Variants in TRIM11 observed in about 807,000 individuals in gnomAD.
The protein encoded by TRIM11 is tripartite motif containing 11.
In TRIM11, 15 loss-of-function variants were observed where a neutral mutation model predicts 33.4. The observed-to-expected ratio is 0.45, with a 90% CI of 0.30 to 0.69. The LOEUF (loss-of-function observed/expected upper bound fraction) is 0.69, where lower values mean the gene tolerates loss of function less well. Ranked by LOEUF, TRIM11 falls within the 30% of genes least tolerant of loss-of-function variation. The pLI is 0.08. For missense variants in TRIM11, 499 were observed against 667.6 expected (o/e 0.75, Z 2.78); for synonymous variants, 281 against 302.6 (o/e 0.93, Z 0.74).
rs989032085 is a variant in TRIM11, at chr1:228,403,333, T to G, written c.409-1172A>C. ...GAGGTGCTGGGAGGGTCCAGAAGTC[T>G]GCCCCGGTAGCAGAGCCAGGACTTC... is the stretch of plus-strand genomic sequence containing the variant. On this transcript the variant is annotated intron_variant, in intron 1 of 5. Coordinates refer to ENST00000284551, the MANE Select transcript of TRIM11 (RefSeq NM_145214.3). This position sits in a 1 kb window ranked among gnomAD's most constrained non-coding sequence, Gnocchi z 4.8. 16 of 152,304 alleles carry G rather than the reference T, an allele frequency of 1.1e-4. No homozygotes were observed. Among genetic ancestry groups the G allele is most frequent in the African/African-American group, 3.6e-4 (15 of 41,478 alleles). The allele number at this position is 152,304 out of a possible 1,614,324, so 9.4% of individuals were successfully genotyped here.
Position 228,403,402 on chromosome 1 carries a change from T to G in TRIM11, c.409-1241A>C, listed in dbSNP as rs1656298260. 1 of 152,294 alleles carries G rather than the reference T, an allele frequency of 6.6e-6. No homozygotes were observed. Among genetic ancestry groups the G allele is most frequent in the African/African-American group, 2.4e-5 (1 of 41,452 alleles). 9.4% of individuals were successfully genotyped at this position (152,294 alleles called of 1,614,324 possible). On this transcript the variant is annotated intron_variant, in intron 1 of 5. Transcript: ENST00000284551. This position sits in a 1 kb window ranked among gnomAD's most constrained non-coding sequence, Gnocchi z 4.8. ...CAGGTGCTCACTTTAGTTCACCACT[T>G]GGCCTCACGATTCGGGAAGACCGCT...
At chr1:228,398,426 T>C (rs193053483) in intron 3 of TRIM11, among the ~76,000 whole-genome samples, 2 of 152,218 alleles carry the variant, frequency 1.3e-5, no homozygotes, top group African/African-American at 4.8e-5. Context: ...AAGACCAGCC[T>C]GGGCAACACA....
In TRIM11 at chr1:228,406,097, G is replaced by C; in HGVS notation, c.408+57C>G. ...TCCCCCAAACCTCCCACCCGCCCAG[G>C]CCTCCCCAGTCCCCGGCTCCCCGAC... On this transcript the variant is annotated intron_variant, in intron 1 of 5. Coordinates refer to ENST00000284551, the MANE Select transcript of TRIM11 (RefSeq NM_145214.3). This position sits in a 1 kb window ranked among gnomAD's most constrained non-coding sequence, Gnocchi z 8.2. 3 of 1,313,820 alleles carry C rather than the reference G, an allele frequency of 2.3e-6. No individual in the cohort carries two copies. Among genetic ancestry groups the C allele is most frequent in the African/African-American group, 1.6e-5 (1 of 64,308 alleles). 81.4% of individuals were successfully genotyped at this position (1,313,820 alleles called of 1,614,324 possible). A position where few individuals can be genotyped will look rare whatever the true frequency, so the allele number is the denominator to read the frequency against.
Position 228,395,091 on chromosome 1 carries a change from G to A in TRIM11, c.1021C>T (p.Arg341Cys), listed in dbSNP as rs778866651. Residue 341 changes from arginine to cysteine, a missense_variant, in exon 6 of 6, where the codon CGC (arginine) becomes TGC (cysteine). Arg to Cys is a radical substitution (Grantham distance 180). Transcript: ENST00000284551. This position sits in a 1 kb window ranked among gnomAD's most constrained non-coding sequence, Gnocchi z 4.8. ...VLGQERFTSGRHYWEVEVGDR... is the reference protein window; with the variant it reads ...VLGQERFTSGCHYWEVEVGDR... The stretch of plus-strand genomic sequence containing the variant: ...CCAACCTCCACCTCCCAGTAGTGGC[G>A]GCCTGAGGTGAAGCGCTCCTGGCCC... 1.3e-5 allele frequency: 21 copies of A among 1,603,712 alleles called. No individual in the cohort carries two copies. Among genetic ancestry groups the A allele is most frequent in the Non-Finnish European group, 1.7e-5 (20 of 1,175,282 alleles).
chr1:228,406,096 G>T lies in TRIM11; in HGVS notation c.408+58C>A. 1 of 680,570 alleles carries T rather than the reference G, an allele frequency of 1.5e-6. No homozygotes were observed. The highest frequency in any genetic ancestry group is 2.1e-6 in the Non-Finnish European group (1 of 468,618). 42.2% of individuals were successfully genotyped at this position (680,570 alleles called of 1,614,324 possible). ...GTCCCCCAAACCTCCCACCCGCCCA[G>T]GCCTCCCCAGTCCCCGGCTCCCCGA... On this transcript the variant is annotated intron_variant, in intron 1 of 5. Transcript: ENST00000284551. This position sits in a 1 kb window ranked among gnomAD's most constrained non-coding sequence, Gnocchi z 8.2.
In TRIM11 at chr1:228,397,317, G is replaced by A. The variant is rs983825819; in HGVS notation, c.736-152C>T. 25 of 806,726 alleles carry A rather than the reference G, an allele frequency of 3.1e-5. No homozygotes were observed. The Admixed American group carries it at 6.1e-4, about 20-fold the overall frequency. 50.0% of individuals were successfully genotyped at this position (806,726 alleles called of 1,614,324 possible). ...ACACACAGGGGGCCATAAACCACCCGCAGCAAGGCTCAGACACAGGAATGC... is the reference window on the plus strand; with the variant it reads ...ACACACAGGGGGCCATAAACCACCCACAGCAAGGCTCAGACACAGGAATGC... On this transcript the variant is annotated intron_variant, in intron 3 of 5. Coordinates refer to ENST00000284551, the MANE Select transcript of TRIM11 (RefSeq NM_145214.3).
At chr1:228,396,788 C>T in intron 5 of TRIM11, 159 bp downstream of exon 5, 1 of 741,250 alleles carries the variant, frequency 1.3e-6, no homozygotes. Flanking sequence ...CAACTGATGT[C>T]AGAAGTATGA....
In TRIM11 at chr1:228,401,160, C is replaced by A; in HGVS notation, c.539G>T (p.Gly180Val). 6.2e-7 allele frequency: 1 copy of A among 1,613,494 alleles called. No individual in the cohort carries two copies. The highest frequency in any genetic ancestry group is 1.7e-5 in the Admixed American group (1 of 60,016). Reference protein sequence around the residue: ...MVESQRQNVLGEFERLRRLLA... With the variant: ...MVESQRQNVLVEFERLRRLLA... The stretch of plus-strand genomic sequence containing the variant: ...CAAACGGCGAAGACGCTCGAACTCA[C>A]CCAGCACGTTCTGCCGCTGGCTCTC... The change falls in exon 3 of 6, where the codon GGT (glycine) becomes GTT (valine). Residue 180 changes from glycine (G) to valine (V), a missense_variant. By Grantham distance (109) the Gly-to-Val change is moderately radical (BLOSUM62 -3). Coordinates refer to ENST00000284551, the MANE Select transcript of TRIM11 (RefSeq NM_145214.3). This position sits in a 1 kb window ranked among gnomAD's most constrained non-coding sequence, Gnocchi z 6.1.
chr1:228,394,783 T>C lies in TRIM11; in HGVS notation c.1329A>G (p.Ser443=). ...TCGGGGTCGGGCTGCTGGACAGGGG[T>C]GAGAAGAGGGGCCGCAGCGTCCCCG... ...PFSGTLRPLF[S]PLSSSPTPMT... is the part of the protein sequence containing the mutation. The change falls in exon 6 of 6, where the codon TCA becomes TCG. Residue 443 remains serine (S), a synonymous_variant. Transcript: ENST00000284551. The surrounding 1 kb of genome is among the most constrained non-coding windows in gnomAD (Gnocchi z 6.2). 6.2e-7 allele frequency: 1 copy of C among 1,613,162 alleles called. No homozygotes were observed. Among genetic ancestry groups the C allele is most frequent in the Non-Finnish European group, 8.5e-7 (1 of 1,179,744 alleles).
chr1:228,406,373 C>T lies in TRIM11; in HGVS notation c.189G>A (p.Arg63=). ...CPECRELSPQ[R]NLRPNRPLAK... is the part of the protein sequence containing the mutation. ...CAAGCGGGCGGTTGGGCCGCAGGTT[C>T]CTCTGCGGGGACAGCTCGCGGCACT... The change falls in exon 1 of 6, where the codon AGG becomes AGA. Residue 63 remains arginine (R), a synonymous_variant. Coordinates refer to ENST00000284551, the MANE Select transcript of TRIM11 (RefSeq NM_145214.3). The surrounding 1 kb of genome is among the most constrained non-coding windows in gnomAD (Gnocchi z 8.2). 2.0e-6 allele frequency: 3 copies of T among 1,521,972 alleles called. No individual in the cohort carries two copies. The highest frequency in any genetic ancestry group is 1.4e-5 in the African/African-American group (1 of 69,850). 94.3% of individuals were successfully genotyped at this position (1,521,972 alleles called of 1,614,324 possible). A position where few individuals can be genotyped will look rare whatever the true frequency, so the allele number is the denominator to read the frequency against.
rs2074976315 is a variant in TRIM11, at chr1:228,395,453, A to G, written c.860-201T>C. 4.5e-6 allele frequency: 2 copies of G among 444,680 alleles called. No homozygotes were observed. Among genetic ancestry groups the G allele is most frequent in the Non-Finnish European group, 3.8e-6 (1 of 265,278 alleles). 27.5% of individuals were successfully genotyped at this position (444,680 alleles called of 1,614,324 possible). ...CCCCACTTAGCTACGTCCAGTTGCA[A>G]CTTACAATGTCCTACAAATTGGTCC... On this transcript the variant is annotated intron_variant, in intron 5 of 5. Transcript: ENST00000284551. This position sits in a 1 kb window ranked among gnomAD's most constrained non-coding sequence, Gnocchi z 4.8.
In TRIM11 at chr1:228,406,679, C is replaced by A; in HGVS notation, c.-118G>T. The stretch of plus-strand genomic sequence containing the variant: ...CGGCGCAGGCTCGGGCACTCCGGGG[C>A]GCGAGGCTCGGGACTCCCGGGTGCT... On this transcript the variant is annotated 5_prime_UTR_variant, in exon 1 of 6. Coordinates refer to ENST00000284551, the MANE Select transcript of TRIM11 (RefSeq NM_145214.3). The surrounding 1 kb of genome is among the most constrained non-coding windows in gnomAD (Gnocchi z 8.2). 1 of 1,052,180 alleles carries A rather than the reference C, an allele frequency of 9.5e-7. No homozygotes were observed. The highest frequency in any genetic ancestry group is 3.2e-5 in the South Asian group (1 of 31,728). The allele number at this position is 1,052,180 out of a possible 1,614,324, so 65.2% of individuals were successfully genotyped here.
rs376186184 is a variant in TRIM11 at position 228,397,168 on chromosome 1, A to G, written c.736-3T>C. The G allele has an allele frequency of 9.9e-6, 16 of 1,612,174 alleles. No individual in the cohort carries two copies. The South Asian group carries it at 1.1e-4, about 11-fold the overall frequency. On this transcript the variant is annotated splice_polypyrimidine_tract_variant and splice_region_variant and intron_variant, in intron 3 of 5. Transcript: ENST00000284551. Reference sequence around the variant, plus strand: ...CTGCGCAGGGCGTCCTTGATGTCCTATGTGGGGAGGAGAAACAGCACACTC... The same window carrying G: ...CTGCGCAGGGCGTCCTTGATGTCCTGTGTGGGGAGGAGAAACAGCACACTC...
rs933946390 is a variant in TRIM11, at chr1:228,401,309, G to A, written c.505-115C>T. ...CCTGGCTGCACCCAACCCCACCCCC[G>A]GGGCCTGCTAAAGCCAAAGCACAGC... On this transcript the variant is annotated intron_variant, in intron 2 of 5. Coordinates refer to ENST00000284551, the MANE Select transcript of TRIM11 (RefSeq NM_145214.3). This position sits in a 1 kb window ranked among gnomAD's most constrained non-coding sequence, Gnocchi z 6.1. The A allele has an allele frequency of 1.2e-4, 154 of 1,316,316 alleles. 1 individual carries two copies. Among genetic ancestry groups the A allele is most frequent in the Non-Finnish European group, 1.5e-4 (141 of 972,010 alleles). 81.5% of individuals were successfully genotyped at this position (1,316,316 alleles called of 1,614,324 possible).
chr1:228,396,869 G>T, intron 5 of TRIM11, 78 bp downstream of exon 5: 1 of 1,380,856 alleles, frequency 7.2e-7, no homozygotes, highest in Non-Finnish European at 1.0e-6. Flanking sequence ...GCAGGGCACA[G>T]AACACGTGGC....
Position 228,401,152 on chromosome 1 carries a change from C to T in TRIM11, c.547G>A (p.Glu183Lys), listed in dbSNP as rs749708426. Reference sequence around the variant, plus strand: ...TCTGCCAGCAAACGGCGAAGACGCTCGAACTCACCCAGCACGTTCTGCCGC... The same window carrying T: ...TCTGCCAGCAAACGGCGAAGACGCTTGAACTCACCCAGCACGTTCTGCCGC... Reference protein sequence around the residue: ...SQRQNVLGEFERLRRLLAEEE... With the variant: ...SQRQNVLGEFKRLRRLLAEEE... Residue 183 changes from glutamate to lysine, a missense_variant, in exon 3 of 6, where the codon GAG becomes AAG. Transcript: ENST00000284551. This position sits in a 1 kb window ranked among gnomAD's most constrained non-coding sequence, Gnocchi z 6.1. The T allele has an allele frequency of 8.7e-6, 14 of 1,613,468 alleles. No homozygotes were observed. Among genetic ancestry groups the T allele is most frequent in the African/African-American group, 1.3e-5 (1 of 74,934 alleles).
intron 1 of TRIM11, chr1:228,404,709 T>TTA (rs1207539399): frequency 6.6e-6 from 1 of 152,228 alleles, no homozygotes; most frequent in Non-Finnish European, 1.5e-5. Context: ...TAAACAGACC[T>TTA]TACTACAATG....
chr1:228,394,942 C>A lies in TRIM11; in HGVS notation c.1170G>T (p.Ser390=), dbSNP rs34297060. ...CCCGGAGTGGAGCCAAGGCCCGTTCCGAGGAATTGTAATAGCTCCCCAGGA... is the reference window on the plus strand; with the variant it reads ...CCCGGAGTGGAGCCAAGGCCCGTTCAGAGGAATTGTAATAGCTCCCCAGGA... The part of the protein sequence containing the change: ...LVFLGSYYNS[S]ERALAPLRDP... Residue 390 remains serine, a synonymous_variant, in exon 6 of 6, where the codon TCG becomes TCT. Transcript: ENST00000284551. The surrounding 1 kb of genome is among the most constrained non-coding windows in gnomAD (Gnocchi z 6.2). 7 of 1,614,010 alleles carry A rather than the reference C, an allele frequency of 4.3e-6. No homozygotes were observed. In the Middle Eastern group the frequency reaches 4.9e-4, roughly 114 times the overall value.
rs1656242349 is a variant in TRIM11 at position 228,401,957 on chromosome 1, G to A, written c.504+109C>T. 2.5e-6 allele frequency: 2 copies of A among 788,376 alleles called. No homozygotes were observed. The highest frequency in any genetic ancestry group is 3.8e-4 in the Middle Eastern group (1 of 2,610). 48.8% of individuals were successfully genotyped at this position (788,376 alleles called of 1,614,324 possible). The stretch of plus-strand genomic sequence containing the variant: ...CCAGGCTGAAGCAGTGACTGGTCCT[G>A]GGGCGCCAAGGGCAAGTGTGCCTGG... On this transcript the variant is annotated intron_variant, in intron 2 of 5. Coordinates refer to ENST00000284551, the MANE Select transcript of TRIM11 (RefSeq NM_145214.3). The surrounding 1 kb of genome is among the most constrained non-coding windows in gnomAD (Gnocchi z 6.1).
Sources: allele counts gnomAD v4.1 joint callset (sites outside exome capture counted in the v4.1 genomes callset), GRCh38; gene constraint gnomAD v4.1.1; non-coding constraint Gnocchi (gnomAD v3.1); transcripts MANE v1.5; gene names NCBI Gene and HGNC (gene_info 2026-07-23, HGNC 2026-07-21).